The following LCMT1 variants were observed in gnomAD, a reference collection of about 807,000 sequenced individuals.
The protein encoded by LCMT1 is leucine carboxyl methyltransferase 1.
Under a neutral mutation model 47.7 loss-of-function variants are expected in LCMT1, and 32 were observed. That is an observed-to-expected ratio of 0.67 (90% CI 0.51 to 0.90). LCMT1 has a LOEUF of 0.90. Ranked by LOEUF, LCMT1 falls within the 40% of genes least tolerant of loss-of-function variation. LCMT1 has a pLI of 0.00. For missense variants in LCMT1, 375 were observed against 415.2 expected, an observed-to-expected ratio of 0.90 and a Z score of 0.84; for synonymous variants, 152 against 149.7, an observed-to-expected ratio of 1.02 and a Z score of -0.11.
chr16:25,133,134 T>C (rs1040315012), intron 3 of LCMT1, among the ~76,000 whole-genome samples: 1 of 152,006 alleles, frequency 6.6e-6, no homozygotes. Flanking sequence ...GTGCTGGGAT[T>C]ATAGGCATTA....
chr16:25,111,833 AC>A lies in LCMT1; in HGVS notation c.-47del, dbSNP rs2141615297. 1.2e-5 allele frequency: 16 copies of A among 1,301,188 alleles called. No homozygotes were observed. In the South Asian group the frequency reaches 1.7e-4, roughly 14 times the overall value. The allele number at this position is 1,301,188 out of a possible 1,614,324, so 80.6% of individuals were successfully genotyped here. A position where few individuals can be genotyped will look rare whatever the true frequency, so the allele number is the denominator to read the frequency against. On this transcript the variant is annotated 5_prime_UTR_variant, in exon 1 of 11. Coordinates refer to ENST00000399069, the MANE Select transcript of LCMT1 (RefSeq NM_016309.3). ...TCGCGCCGTCCCCCGCCGCCCGTCGACCCCGCTTCCATGTCCCTGGCGGACA... is the reference window on the plus strand; with the variant it reads ...TCGCGCCGTCCCCCGCCGCCCGTCGACCCGCTTCCATGTCCCTGGCGGACA...
At position 25,111,754 on chromosome 16, in the gene LCMT1, C is replaced by A; in HGVS notation, c.-130C>A. On this transcript the variant is annotated 5_prime_UTR_variant, in exon 1 of 11. Transcript: ENST00000399069. ...CGGCGTGGGCGGCGTCACTGAGCCG[C>A]GCCAGCTGAGCCAGGTAGGGCCCTA... 1.6e-6 allele frequency: 1 copy of A among 639,834 alleles called. No individual in the cohort carries two copies. Among genetic ancestry groups the A allele is most frequent in the Non-Finnish European group, 2.8e-6 (1 of 355,732 alleles). The allele number at this position is 639,834 out of a possible 1,614,324, so 39.6% of individuals were successfully genotyped here. A position where few individuals can be genotyped will look rare whatever the true frequency, so the allele number is the denominator to read the frequency against.
At chr16:25,112,695 A>C (rs968553361) in intron 1 of LCMT1, among the ~76,000 whole-genome samples, 1 of 152,208 alleles carries the variant, frequency 6.6e-6, no homozygotes, top group Non-Finnish European at 1.5e-5. Context: ...CAAGACAGAC[A>C]TGGTGTCAGA....
intron 2 of LCMT1, among the ~76,000 whole-genome samples, chr16:25,130,985 G>A (rs1960335498): frequency 6.6e-6 from 1 of 152,230 alleles, no homozygotes; most frequent in South Asian, 2.1e-4. Context: ...GGAAGAGATG[G>A]AGAATTACTT....
intron 5 of LCMT1, among the ~76,000 whole-genome samples, chr16:25,154,159 G>A (rs369910939): frequency 6.6e-5 from 10 of 151,480 alleles, no homozygotes; most frequent in South Asian, 4.2e-4. Context: ...ACAGGCACGC[G>A]CCACCACGCC....
chr16:25,144,936 C>A (rs984917635), intron 4 of LCMT1: 1 of 152,240 alleles, frequency 6.6e-6, no homozygotes, highest in African/African-American at 2.4e-5. Flanking sequence ...GGGCTTGACC[C>A]AGCTCAGTTT....
rs764224526 is a variant in LCMT1 at position 25,151,539 on chromosome 16, C to G, written c.405-15C>G. ...AAATAGACTCATTTTTCTCCTCTTT[C>G]CCATCTTCCCATAGATGCAAGCCTC... On this transcript the variant is annotated splice_polypyrimidine_tract_variant and intron_variant, in intron 4 of 10. Coordinates refer to ENST00000399069, the MANE Select transcript of LCMT1 (RefSeq NM_016309.3). 2 of 1,607,842 alleles carry G rather than the reference C, an allele frequency of 1.2e-6. No individual in the cohort carries two copies. The highest frequency in any genetic ancestry group is 4.5e-5 in the East Asian group (2 of 44,818).
At chr16:25,121,429 T>C (rs958266038) in intron 1 of LCMT1, among the ~76,000 whole-genome samples, 2 of 152,034 alleles carry the variant, frequency 1.3e-5, no homozygotes, top group Admixed American at 6.6e-5. Flanking sequence ...GAAAAAGATA[T>C]CAATTTCAAA....
intron 1 of LCMT1, among the ~76,000 whole-genome samples, chr16:25,119,169 G>T (rs193216067): frequency 3.5e-4 from 53 of 152,238 alleles, no homozygotes; most frequent in Admixed American, 2.3e-3. Context: ...GAATGTTCTG[G>T]CAGAGTGGAT....
rs373119718 is a variant in LCMT1, at chr16:25,156,079, T to C, written c.466+4464T>C. Among the ~76,000 whole-genome samples the C allele has an allele frequency of 6.6e-4, 101 of 152,244 alleles. No homozygotes were observed. In the South Asian group the frequency reaches 0.02, roughly 30 times the overall value. On this transcript the variant is annotated intron_variant, in intron 5 of 10. Coordinates refer to ENST00000399069, the MANE Select transcript of LCMT1 (RefSeq NM_016309.3). ...ATGTTCTTCCCCTCAGTCCTTTTCA[T>C]TTCCTCTCTCCTCTTTGCTTGATGG... is the stretch of plus-strand genomic sequence containing the variant.
intron 9 of LCMT1, among the ~76,000 whole-genome samples, chr16:25,173,707 T>C (rs1961843337): frequency 7.1e-6 from 1 of 141,154 alleles, no homozygotes; most frequent in African/African-American, 2.6e-5. Flanking sequence ...GACAGAAACT[T>C]TTTTTTTGTT....
At position 25,132,420 on chromosome 16, in the gene LCMT1, A is replaced by G. The variant is rs568052328; in HGVS notation, c.224A>G (p.His75Arg). 34 of 1,613,648 alleles carry G rather than the reference A, an allele frequency of 2.1e-5. No homozygotes were observed. Among genetic ancestry groups the G allele is most frequent in the South Asian group, 1.6e-4 (15 of 91,082 alleles). The change falls in exon 3 of 11, where the codon CAT becomes CGT. Residue 75 changes from histidine to arginine, a missense_variant. Coordinates refer to ENST00000399069, the MANE Select transcript of LCMT1 (RefSeq NM_016309.3). The part of the protein sequence containing the change: ...EINRGYFARV[H>R]GVSQLIKAFL... ...CCCCTAGGATATTTTGCTCGAGTCC[A>G]TGGTGTCAGTCAGCTTATAAAGGCA...
chr16:25,130,229 A>G (rs1463362302), intron 2 of LCMT1, among the ~76,000 whole-genome samples: 3 of 151,382 alleles, frequency 2.0e-5, no homozygotes, highest in Non-Finnish European at 4.4e-5. Flanking sequence ...AGTCCCACCT[A>G]CTTCGGAGGC....
intron 3 of LCMT1, among the ~76,000 whole-genome samples, chr16:25,133,034 T>C (rs1415409670): frequency 2.6e-5 from 4 of 152,048 alleles, no homozygotes; most frequent in Admixed American, 2.6e-4. Flanking sequence ...ATTTTTTAAG[T>C]TTTTGTGTAG....
intron 1 of LCMT1, among the ~76,000 whole-genome samples, chr16:25,120,803 A>G (rs1300965926): frequency 7.1e-6 from 1 of 141,090 alleles, no homozygotes; most frequent in Non-Finnish European, 1.5e-5. Flanking sequence ...GGTGGAGGGC[A>G]GTGGTATATT....
rs935708076 is a variant in LCMT1 at position 25,164,457 on chromosome 16, C to T, written c.570-141C>T. ...GACGGTATTCCACATGTATTCCTGT[C>T]CTGACTGGGGCTGTGCTTGCTCAGG... On this transcript the variant is annotated intron_variant, in intron 6 of 10. Coordinates refer to ENST00000399069, the MANE Select transcript of LCMT1 (RefSeq NM_016309.3). 22 of 852,520 alleles carry T rather than the reference C, an allele frequency of 2.6e-5. No individual in the cohort carries two copies. In the East Asian group the frequency reaches 3.7e-4, roughly 14 times the overall value. The allele number at this position is 852,520 out of a possible 1,614,324, so 52.8% of individuals were successfully genotyped here.
In LCMT1 at chr16:25,132,471, G is replaced by A; in HGVS notation, c.275G>A (p.Cys92Tyr). Residue 92 changes from cysteine to tyrosine, a missense_variant, in exon 3 of 11, where the codon TGT becomes TAT. Coordinates refer to ENST00000399069, the MANE Select transcript of LCMT1 (RefSeq NM_016309.3). ...KAFLRKTECH[C>Y]QIVNLGAGMD... Reference sequence around the variant, plus strand: ...TTTCTACGGAAGACAGAATGTCATTGTCAAATTGTCAACCTTGGGGCAGGC... The same window carrying A: ...TTTCTACGGAAGACAGAATGTCATTATCAAATTGTCAACCTTGGGGCAGGC... The A allele has an allele frequency of 6.2e-7, 1 of 1,613,906 alleles. No homozygotes were observed. The highest frequency in any genetic ancestry group is 8.5e-7 in the Non-Finnish European group (1 of 1,179,828).
At chr16:25,165,081 C>T (rs972266477) in intron 7 of LCMT1, among the ~76,000 whole-genome samples, 3 of 137,430 alleles carry the variant, frequency 2.2e-5, no homozygotes, top group Non-Finnish European at 4.7e-5. Flanking sequence ...GGAAGTCAGC[C>T]AGGTGTAATA....
At position 25,170,733 on chromosome 16, in the gene LCMT1, A is replaced by G. The variant is rs1387477956; in HGVS notation, c.812A>G (p.Asn271Ser). 10 of 1,613,234 alleles carry G rather than the reference A, an allele frequency of 6.2e-6. No homozygotes were observed. Residue 271 changes from asparagine to serine, a missense_variant, in exon 9 of 11, where the codon AAT becomes AGT. Asn to Ser is a conservative substitution (Grantham distance 46, BLOSUM62 1). Coordinates refer to ENST00000399069, the MANE Select transcript of LCMT1 (RefSeq NM_016309.3). ...LESQKERLLS[N>S]GWETASAVDM... The stretch of plus-strand genomic sequence containing the variant: ...TTTTAGAAAGAACGGCTCCTGTCGA[A>G]TGGGTGGGAAACAGCATCGGCCGTC...
Sources: allele counts gnomAD v4.1 joint callset (sites outside exome capture counted in the v4.1 genomes callset), GRCh38; gene constraint gnomAD v4.1.1; transcripts MANE v1.5; gene names NCBI Gene and HGNC (gene_info 2026-07-23, HGNC 2026-07-21).